The following STXBP5 variants were observed in gnomAD, a reference collection of about 807,000 sequenced individuals.
STXBP5 encodes syntaxin binding protein 5.
In STXBP5, 50 loss-of-function variants were observed where a neutral mutation model predicts 152.4. The observed-to-expected ratio is 0.33, with a 90% CI of 0.26 to 0.42. The LOEUF is 0.42. Ranked by LOEUF, STXBP5 falls within the 10% of genes least tolerant of loss-of-function variation. The pLI, the probability that STXBP5 is intolerant of heterozygous loss-of-function variation, is 1.00. For missense variants in STXBP5, 1,167 were observed against 1,388.6 expected, an observed-to-expected ratio of 0.84 and a Z score of 2.54; for synonymous variants, 492 against 494.7, an observed-to-expected ratio of 0.99 and a Z score of 0.07.
chr6:147,209,402 T>G (rs567781338), intron 2 of STXBP5, among the ~76,000 whole-genome samples: 3 of 152,238 alleles, frequency 2.0e-5, no homozygotes, highest in Admixed American at 2.0e-4. Flanking sequence ...TACAGTTGAT[T>G]TAACAAGCAC....
At chr6:147,281,536 T>A (rs1450911261) in intron 8 of STXBP5, among the ~76,000 whole-genome samples, 1 of 152,230 alleles carries the variant, frequency 6.6e-6, no homozygotes, top group Non-Finnish European at 1.5e-5. Context: ...GGTTTCTTGC[T>A]CTTAATTTCT....
chr6:147,339,169 A>T lies in STXBP5; in HGVS notation c.2147-10A>T, dbSNP rs1341114760. 6.5e-6 allele frequency: 10 copies of T among 1,534,352 alleles called. No individual in the cohort carries two copies. The highest frequency in any genetic ancestry group is 7.9e-6 in the Non-Finnish European group (9 of 1,141,708). On this transcript the variant is annotated splice_polypyrimidine_tract_variant and intron_variant, in intron 19 of 27. Coordinates refer to ENST00000321680, the MANE Select transcript of STXBP5 (RefSeq NM_001127715.4). ...TCTACCTATTCCTTCCGTTGTCTTC[A>T]TTTGTGTAGGTTCTTCATCACCACA...
At chr6:147,362,453 A>C (rs1785108919) in intron 23 of STXBP5, among the ~76,000 whole-genome samples, 2 of 152,212 alleles carry the variant, frequency 1.3e-5, no homozygotes, top group Non-Finnish European at 2.9e-5. Context: ...TACATTATCA[A>C]GGATATAGGG....
chr6:147,316,080 CTTA>C (rs1402059554), intron 15 of STXBP5, 146 bp from the exon 16 acceptor site: 3 of 786,658 alleles, frequency 3.8e-6, no homozygotes, highest in East Asian at 2.8e-5. Context: ...TTGCTAAATC[CTTA>C]TTTTTTGAAA....
rs1449652450 is a variant in STXBP5, at chr6:147,329,571, A to T, written c.2080+2295A>T. 3.4e-5 allele frequency among the ~76,000 whole-genome samples: 5 copies of T among 148,204 alleles called. No homozygotes were observed. The East Asian group carries it at 7.8e-4, about 23-fold the overall frequency. ...TTCTTCCTAACACATGTATTTTATA[A>T]CATGTTCTTAGGTGTTGACCAAATA... On this transcript the variant is annotated intron_variant, in intron 18 of 27. Coordinates refer to ENST00000321680, the MANE Select transcript of STXBP5 (RefSeq NM_001127715.4).
intron 8 of STXBP5, among the ~76,000 whole-genome samples, chr6:147,284,763 T>A (rs1780876197): frequency 6.6e-6 from 1 of 152,246 alleles, no homozygotes; most frequent in South Asian, 2.1e-4. Flanking sequence ...AAAACGCCTT[T>A]GGGCAAGTAG....
chr6:147,385,626 T>A lies in STXBP5; in HGVS notation c.*871T>A, dbSNP rs1786301478. On this transcript the variant is annotated 3_prime_UTR_variant, in exon 28 of 28. Transcript: ENST00000321680. The stretch of plus-strand genomic sequence containing the variant: ...GTGGATTTGACCAAAATAATGCTGG[T>A]TAAATTTGTAGAAATGTTGAAATTG... The A allele has an allele frequency of 6.6e-6, 1 of 152,126 alleles. No individual in the cohort carries two copies. The highest frequency in any genetic ancestry group is 2.4e-5 in the African/African-American group (1 of 41,452). 9.4% of individuals were successfully genotyped at this position (152,126 alleles called of 1,614,324 possible).
At chr6:147,332,465 A>C (rs374688421) in intron 18 of STXBP5, among the ~76,000 whole-genome samples, 43 of 152,360 alleles carry the variant, frequency 2.8e-4, no homozygotes, top group African/African-American at 9.4e-4. Context: ...GCTATTATCC[A>C]TGAGGATGTC....
chr6:147,325,368 C>G (rs184245844), intron 17 of STXBP5, among the ~76,000 whole-genome samples: 79 of 152,200 alleles, frequency 5.2e-4, no homozygotes, highest in Non-Finnish European at 1.1e-3. Context: ...CCTAAATATA[C>G]TCCCAGAAAT....
chr6:147,241,606 T>C (rs1304175114), intron 4 of STXBP5, among the ~76,000 whole-genome samples: 1 of 152,192 alleles, frequency 6.6e-6, no homozygotes, highest in East Asian at 1.9e-4. Flanking sequence ...GAAATACTCC[T>C]ATAGATTAGG....
chr6:147,335,455 G>A (rs1176707360), intron 19 of STXBP5, among the ~76,000 whole-genome samples: 1 of 152,160 alleles, frequency 6.6e-6, no homozygotes, highest in Non-Finnish European at 1.5e-5. Context: ...ATTTGGACAT[G>A]GAACATGTGA....
At chr6:147,343,593 T>C (rs1784187460) in intron 21 of STXBP5, among the ~76,000 whole-genome samples, 1 of 152,178 alleles carries the variant, frequency 6.6e-6, no homozygotes, top group South Asian at 2.1e-4. Flanking sequence ...TTACTATGTA[T>C]AGCATGTTTC....
At chr6:147,239,918 C>T (rs1266064937) in intron 4 of STXBP5, among the ~76,000 whole-genome samples, 1 of 151,730 alleles carries the variant, frequency 6.6e-6, no homozygotes, top group South Asian at 2.1e-4. Flanking sequence ...GATTAATCAT[C>T]ATCCCCTATA....
At chr6:147,235,486 C>T (rs757655394) in intron 3 of STXBP5, among the ~76,000 whole-genome samples, 155 bp downstream of exon 3, 3 of 151,988 alleles carry the variant, frequency 2.0e-5, no homozygotes, top group East Asian at 1.9e-4. Flanking sequence ...TTTAAGGTAC[C>T]GTCATGGACA....
chr6:147,258,828 T>G (rs949015204), intron 4 of STXBP5, among the ~76,000 whole-genome samples: 36 of 152,100 alleles, frequency 2.4e-4, no homozygotes, highest in Admixed American at 2.2e-3. Flanking sequence ...TATTATTTAA[T>G]TATTTTATCA....
At position 147,373,793 on chromosome 6, in the gene STXBP5, T is replaced by G. The variant is rs1785677384; in HGVS notation, c.3144T>G (p.Phe1048Leu). The G allele has an allele frequency of 2.5e-6, 4 of 1,613,780 alleles. No homozygotes were observed. In the South Asian group the frequency reaches 4.4e-5, roughly 18 times the overall value. The change falls in exon 26 of 28, where the codon TTT becomes TTG. Residue 1048 changes from phenylalanine (F) to leucine (L), a missense_variant. Around this residue, in one of 3 missense-constraint regions of STXBP5, gnomAD observed 833 missense variants for 986.3 expected, o/e 0.84. Transcript: ENST00000321680. Reference sequence around the variant, plus strand: ...CTGAAGCACCAAACAGGGGATTCTTTAAAGGCTTATTTGGAGGTGGTGCAC... The same window carrying G: ...CTGAAGCACCAAACAGGGGATTCTTGAAAGGCTTATTTGGAGGTGGTGCAC... ...ETPEAPNRGF[F>L]KGLFGGGAQS...
At chr6:147,341,438 C>T (rs1275185871) in intron 21 of STXBP5, among the ~76,000 whole-genome samples, 2 of 152,090 alleles carry the variant, frequency 1.3e-5, no homozygotes, top group Non-Finnish European at 2.9e-5. Context: ...TATGAAGTAT[C>T]CTGAACCTCA....
intron 19 of STXBP5, among the ~76,000 whole-genome samples, chr6:147,338,324 A>T (rs1392574995): frequency 6.6e-6 from 1 of 152,058 alleles, no homozygotes; most frequent in Non-Finnish European, 1.5e-5. Flanking sequence ...AAATATATAG[A>T]TAAAACATTA....
chr6:147,351,115 G>C (rs1178040092), intron 21 of STXBP5, among the ~76,000 whole-genome samples: 1 of 152,176 alleles, frequency 6.6e-6, no homozygotes, highest in Non-Finnish European at 1.5e-5. Context: ...GTTGCTTAAT[G>C]TCTAAGGACC....
Sources: gnomAD v4.1 joint callset for allele counts (sites outside exome capture counted in the v4.1 genomes callset) on GRCh38, gnomAD v4.1.1 for gene constraint, gnomAD v4.1.1 regional missense constraint, MANE v1.5 for transcripts, NCBI Gene and HGNC (gene_info 2026-07-23, HGNC 2026-07-21) for gene names.